Variants in DHX9 observed in about 807,000 individuals in gnomAD.
DHX9 encodes the protein ATP-dependent RNA helicase A.
In DHX9, 27 loss-of-function variants were observed where a neutral mutation model predicts 148.7. That is an observed-to-expected ratio of 0.18 (90% CI 0.13 to 0.25). The LOEUF (loss-of-function observed/expected upper bound fraction) is 0.25, where lower values mean the gene tolerates loss of function less well. Among genes scored for constraint, DHX9 ranks in the 10% least tolerant of loss-of-function variants. The pLI is 1.00. For synonymous variants in DHX9, 529 were observed against 516.6 expected (o/e 1.02, Z -0.33); for missense variants, 796 against 1,559.6 (o/e 0.51, Z 8.25).
intron 22 of DHX9, among the ~76,000 whole-genome samples, chr1:182,880,888 T>G (rs961481991): frequency 6.6e-6 from 1 of 152,188 alleles, no homozygotes; most frequent in African/African-American, 2.4e-5. Context: ...ATCCTAGCAC[T>G]TTGGGAGGCC....
rs533354195 is a variant in DHX9, at chr1:182,868,954, G to C, written c.1557+1911G>C. Among the ~76,000 whole-genome samples the C allele has an allele frequency of 1.1e-4, 16 of 152,196 alleles. No homozygotes were observed. In the South Asian group the frequency reaches 3.3e-3, roughly 32 times the overall value. The stretch of plus-strand genomic sequence containing the variant: ...CTCTTTTGTCCTTTATAATCTCTTG[G>C]AAACTTTATAGGTTTTTCCTAATTA... On this transcript the variant is annotated intron_variant, in intron 14 of 27. Coordinates refer to ENST00000367549, the MANE Select transcript of DHX9 (RefSeq NM_001357.5).
chr1:182,883,641 G>A lies in DHX9; in HGVS notation c.3260+6G>A. On this transcript the variant is annotated splice_donor_region_variant and intron_variant, in intron 26 of 27. Transcript: ENST00000367549. ...ATTGTGCTTGTAGATGACTGGTATG[G>A]ATTTTCAGATGTGAACTCCAAACTG... 1 of 1,594,264 alleles carries A rather than the reference G, an allele frequency of 6.3e-7. No individual in the cohort carries two copies. The highest frequency in any genetic ancestry group is 2.2e-5 in the East Asian group (1 of 44,610).
chr1:182,878,157 C>T lies in DHX9; in HGVS notation c.2335C>T (p.Arg779Ter). 2 of 1,614,160 alleles carry T rather than the reference C, an allele frequency of 1.2e-6. No homozygotes were observed. The highest frequency in any genetic ancestry group is 1.7e-6 in the Non-Finnish European group (2 of 1,180,024). The stretch of plus-strand genomic sequence containing the variant: ...TGGATTCTGCTTTCACCTGTGCAGC[C>T]GAGCTCGTTTTGAGAGGTAAGACCC... ...RPGFCFHLCS[R>*]ARFERLETHM... The change falls in exon 20 of 28, where the codon CGA (arginine) becomes TGA (stop). Residue 779 changes from arginine (R) to a stop codon, truncating the protein, a stop_gained. Coordinates refer to ENST00000367549, the MANE Select transcript of DHX9 (RefSeq NM_001357.5). LOFTEE classifies it high-confidence loss of function.
At chr1:182,874,817 T>C in intron 15 of DHX9, 37 bp from the exon 16 acceptor site, 2 of 1,479,008 alleles carry the variant, frequency 1.4e-6, no homozygotes, top group Non-Finnish European at 1.9e-6. Context: ...ATTGTGAAAG[T>C]TGATAGTACT....
intron 2 of DHX9, 152 bp downstream of exon 2, chr1:182,842,829 A>AAGTC: frequency 1.8e-6 from 1 of 570,228 alleles, no homozygotes; most frequent in Non-Finnish European, 3.0e-6. Context: ...AATCATTTTC[A>AAGTC]AGTCAGCATT....
intron 4 of DHX9, 58 bp downstream of exon 4, chr1:182,852,402 C>T (rs1223775677): frequency 1.6e-6 from 2 of 1,230,412 alleles, no homozygotes; most frequent in Admixed American, 4.8e-5. Context: ...ATCTTGATCA[C>T]CATCTCTGTT....
chr1:182,883,420 T>A (rs749620147), intron 25 of DHX9, 52 bp downstream of exon 25: 6 of 1,585,800 alleles, frequency 3.8e-6, no homozygotes, highest in Non-Finnish European at 5.2e-6. Context: ...GTCTTTACAA[T>A]CATTAGGAAC....
At chr1:182,873,738 G>A (rs1243918934) in intron 15 of DHX9, among the ~76,000 whole-genome samples, 1 of 152,202 alleles carries the variant, frequency 6.6e-6, no homozygotes, top group African/African-American at 2.4e-5. Flanking sequence ...TAGAAGCAGT[G>A]ACACCCAGTA....
intron 19 of DHX9, chr1:182,877,137 C>T: frequency 4.6e-6 from 2 of 431,670 alleles, no homozygotes; most frequent in Non-Finnish European, 4.1e-6. Context: ...CTGATGATTA[C>T]TTCTCATTGC....
chr1:182,866,751 A>G (rs1020062037), intron 13 of DHX9, among the ~76,000 whole-genome samples, 166 bp downstream of exon 13: 8 of 152,354 alleles, frequency 5.3e-5, no homozygotes, highest in Non-Finnish European at 1.2e-4. Flanking sequence ...TGATATACCC[A>G]TTAGATCTTG....
Position 182,866,804 on chromosome 1 carries a change from A to G in DHX9, c.1475-157A>G, listed in dbSNP as rs1400084770. On this transcript the variant is annotated intron_variant, in intron 13 of 27. Coordinates refer to ENST00000367549, the MANE Select transcript of DHX9 (RefSeq NM_001357.5). Reference sequence around the variant, plus strand: ...AATCATAAAATCAGTGAAAAAAACTATATTTCATAGTACACTATCACTTTT... The same window carrying G: ...AATCATAAAATCAGTGAAAAAAACTGTATTTCATAGTACACTATCACTTTT... 3.3e-5 allele frequency among the ~76,000 whole-genome samples: 5 copies of G among 152,220 alleles called. No individual in the cohort carries two copies. The South Asian group carries it at 6.2e-4, about 19-fold the overall frequency.
Position 182,882,843 on chromosome 1 carries a change from C to T in DHX9, c.2915-296C>T, listed in dbSNP as rs374880225. ...TGGCGCCACTGCACTCCAGCCTGGG[C>T]GACAGAGCGAGACTCGTCTCAAAAA... On this transcript the variant is annotated intron_variant, in intron 24 of 27. Coordinates refer to ENST00000367549, the MANE Select transcript of DHX9 (RefSeq NM_001357.5). Among the ~76,000 whole-genome samples the T allele has an allele frequency of 2.1e-4, 31 of 144,754 alleles. No individual in the cohort carries two copies. In the East Asian group the frequency reaches 4.6e-3, roughly 22 times the overall value. 95.0% of individuals were successfully genotyped at this position (144,754 alleles called of 152,430 possible). A position where few individuals can be genotyped will look rare whatever the true frequency, so the allele number is the denominator to read the frequency against.
At chr1:182,873,917 G>A (rs1308327255) in intron 15 of DHX9, among the ~76,000 whole-genome samples, 2 of 152,138 alleles carry the variant, frequency 1.3e-5, no homozygotes, top group African/African-American at 4.8e-5. Context: ...AGCCCATAAC[G>A]ATGGGGATAA....
chr1:182,879,757 G>A (rs916563425), intron 21 of DHX9, among the ~76,000 whole-genome samples: 5 of 151,934 alleles, frequency 3.3e-5, no homozygotes, highest in Non-Finnish European at 5.9e-5. Context: ...ACGGAATCTC[G>A]CTCCATTGCC....
chr1:182,856,062 A>C (rs1668246057), intron 6 of DHX9, among the ~76,000 whole-genome samples: 1 of 152,206 alleles, frequency 6.6e-6, no homozygotes, highest in Non-Finnish European at 1.5e-5. Context: ...CACAAAGTGT[A>C]TGTGCATGTG....
At chr1:182,876,333 T>G in intron 17 of DHX9, 70 bp downstream of exon 17, 1 of 1,576,298 alleles carries the variant, frequency 6.3e-7, no homozygotes. Flanking sequence ...TTAGCCAGTA[T>G]GTGAAAACAA....
intron 19 of DHX9, 164 bp from the exon 20 acceptor site, chr1:182,877,857 G>A: frequency 7.6e-6 from 6 of 785,608 alleles, no homozygotes; most frequent in South Asian, 2.0e-5. Context: ...ACAACTAGGA[G>A]TTTGCAGTCA....
intron 12 of DHX9, 23 bp downstream of exon 12, chr1:182,860,207 A>AATT: frequency 6.5e-7 from 1 of 1,543,678 alleles, no homozygotes; most frequent in Non-Finnish European, 8.7e-7. Flanking sequence ...CCAACCATGA[A>AATT]ATACCTAGAG....
chr1:182,861,266 G>A (rs1476867146), intron 12 of DHX9, among the ~76,000 whole-genome samples: 5 of 151,974 alleles, frequency 3.3e-5, no homozygotes, highest in Non-Finnish European at 7.4e-5. Flanking sequence ...GAAAAAATAT[G>A]ATAAATTGAC....
Sources: allele counts gnomAD v4.1 joint callset (sites outside exome capture counted in the v4.1 genomes callset), GRCh38; gene constraint gnomAD v4.1.1; transcripts MANE v1.5; gene names NCBI Gene and HGNC (gene_info 2026-07-23, HGNC 2026-07-21).